Variants in HTT observed in about 807,000 individuals in gnomAD.
HTT encodes huntington disease protein.
HTT carries 104 observed loss-of-function variants against 362.3 expected under a neutral mutation model. The ratio of observed to expected loss-of-function variants is 0.29; its 90% CI spans 0.24 to 0.34. HTT has a LOEUF of 0.34. HTT is among the 10% of genes least tolerant of loss of function. HTT has a pLI of 1.00. For synonymous variants in HTT, 1,577 were observed against 1,548.7 expected, an observed-to-expected ratio of 1.02 and a Z score of -0.43; for missense variants, 3,301 against 3,928.6, an observed-to-expected ratio of 0.84 and a Z score of 4.27.
chr4:3,196,606 C>T (rs562247852), intron 40 of HTT, among the ~76,000 whole-genome samples: 6 of 152,028 alleles, frequency 3.9e-5, no homozygotes, highest in South Asian at 4.2e-4. Context: ...GGCATGGTGG[C>T]GCACACCTAT....
At chr4:3,199,465 G>A (rs1426865377) in intron 40 of HTT, among the ~76,000 whole-genome samples, 11 of 151,824 alleles carry the variant, frequency 7.2e-5, no homozygotes, top group South Asian at 4.2e-4. Context: ...GCTTGAAACC[G>A]GAAGGTGGAG....
chr4:3,136,121 A>G (rs1341946788), intron 20 of HTT, 105 bp from the exon 21 acceptor site: 1 of 903,202 alleles, frequency 1.1e-6, no homozygotes, highest in African/African-American at 1.7e-5. Context: ...TATGGATTTA[A>G]GTCTAGTAAT....
At position 3,180,510 on chromosome 4, in the gene HTT, C is replaced by G; in HGVS notation, c.4613-5C>G. On this transcript the variant is annotated splice_polypyrimidine_tract_variant and splice_region_variant and intron_variant, in intron 35 of 66. Transcript: ENST00000355072. The stretch of plus-strand genomic sequence containing the variant: ...CCTGATAAGGGTACCCTTTTGTCCC[C>G]ACAGCCATACCGGCTCTGCAGCCCA... 1 of 1,591,500 alleles carries G rather than the reference C, an allele frequency of 6.3e-7. No homozygotes were observed.
At chr4:3,143,708 A>C (rs57196404) in intron 23 of HTT, among the ~76,000 whole-genome samples, 10,830 of 151,438 alleles carry the variant, frequency 0.072, 554 homozygotes, top group African/African-American at 0.15. Flanking sequence ...GGTTCAAGCA[A>C]TTCTCCTGCC....
chr4:3,086,957 T>C lies in HTT; in HGVS notation c.282T>C (p.Ala94=), dbSNP rs2110142034. The C allele has an allele frequency of 6.2e-7, 1 of 1,603,586 alleles. No homozygotes were observed. The highest frequency in any genetic ancestry group is 8.5e-7 in the Non-Finnish European group (1 of 1,171,098). ...PLHRPKKELS[A]TKKDRVNHCL... ...TTTTTAGAAAGAAAGAACTTTCAGCTACCAAGAAAGACCGTGTGAATCATT... is the reference window on the plus strand; with the variant it reads ...TTTTTAGAAAGAAAGAACTTTCAGCCACCAAGAAAGACCGTGTGAATCATT... Residue 94 remains alanine, a synonymous_variant, in exon 2 of 67, where the codon GCT becomes GCC. Coordinates refer to ENST00000355072, the MANE Select transcript of HTT (RefSeq NM_001388492.1).
chr4:3,074,891 G>GCAGCAGCAA lies in HTT; in HGVS notation c.74_75insACAGCAGCA (p.Gln36_Gln38dup). The GCAGCAGCAA allele has an allele frequency of 7.0e-7, 1 of 1,433,240 alleles. No homozygotes were observed. Among genetic ancestry groups the GCAGCAGCAA allele is most frequent in the Non-Finnish European group, 9.2e-7 (1 of 1,082,676 alleles). 88.8% of individuals were successfully genotyped at this position (1,433,240 alleles called of 1,614,324 possible). On this transcript the variant is annotated inframe_insertion, in exon 1 of 67. Coordinates refer to ENST00000355072, the MANE Select transcript of HTT (RefSeq NM_001388492.1). Reference sequence around the variant, plus strand: ...TCAAGTCCTTCCAGCAGCAGCAGCAGCAGCAGCAGCAGCAGCAGCAGCAGC... The same window carrying GCAGCAGCAA: ...TCAAGTCCTTCCAGCAGCAGCAGCAGCAGCAGCAACAGCAGCAGCAGCAGCAGCAGCAGC...
At chr4:3,148,612 A>G (rs1168909698) in intron 26 of HTT, among the ~76,000 whole-genome samples, 1 of 152,180 alleles carries the variant, frequency 6.6e-6, no homozygotes, top group Non-Finnish European at 1.5e-5. Flanking sequence ...CCTGGCTAAC[A>G]CAGTGAAACC....
chr4:3,111,547 A>C (rs1257013578), intron 6 of HTT, among the ~76,000 whole-genome samples: 1 of 152,148 alleles, frequency 6.6e-6, no homozygotes, highest in Non-Finnish European at 1.5e-5. Flanking sequence ...GTATCCCTGG[A>C]AGGAAATTAC....
Position 3,182,211 on chromosome 4 carries a change from G to C in HTT, c.4750-143G>C, listed in dbSNP as rs1461594079. 5.1e-6 allele frequency: 3 copies of C among 594,002 alleles called. No homozygotes were observed. In the East Asian group the frequency reaches 8.3e-5, roughly 16 times the overall value. The allele number at this position is 594,002 out of a possible 1,614,324, so 36.8% of individuals were successfully genotyped here. ...ATGTCATAGAGTGGGGGTTGCATTA[G>C]TGTCCCCCTGTCCTCGCTGGGATCA... On this transcript the variant is annotated intron_variant, in intron 36 of 66. Transcript: ENST00000355072.
chr4:3,099,721 G>A (rs1319016572), intron 3 of HTT, among the ~76,000 whole-genome samples: 4 of 150,756 alleles, frequency 2.7e-5, no homozygotes, highest in African/African-American at 9.8e-5. Flanking sequence ...GTGCTCTATT[G>A]CATGGTTTGC....
chr4:3,079,396 A>G (rs550246260), intron 1 of HTT, among the ~76,000 whole-genome samples: 3 of 152,160 alleles, frequency 2.0e-5, no homozygotes, highest in East Asian at 3.9e-4. Flanking sequence ...TGTTGGGACT[A>G]TAGGTGTGAG....
chr4:3,079,027 A>AG (rs1462125810), intron 1 of HTT, among the ~76,000 whole-genome samples: 5 of 152,066 alleles, frequency 3.3e-5, no homozygotes, highest in African/African-American at 1.2e-4. Flanking sequence ...CTGGGATTAC[A>AG]GGCATGAGCC....
intron 47 of HTT, among the ~76,000 whole-genome samples, chr4:3,210,732 G>A (rs1377592895): frequency 6.6e-6 from 1 of 152,130 alleles, no homozygotes; most frequent in Non-Finnish European, 1.5e-5. Context: ...AAATGGGAGG[G>A]AAGTGGGCAC....
intron 6 of HTT, among the ~76,000 whole-genome samples, chr4:3,114,290 C>G (rs1714913296): frequency 6.6e-6 from 1 of 152,208 alleles, no homozygotes; most frequent in East Asian, 1.9e-4. Context: ...CAACCCACAA[C>G]CTTCCAGTGT....
Position 3,127,522 on chromosome 4 carries a change from C to A in HTT, c.1661C>A (p.Ala554Asp). 1 of 1,614,186 alleles carries A rather than the reference C, an allele frequency of 6.2e-7. No individual in the cohort carries two copies. Among genetic ancestry groups the A allele is most frequent in the Non-Finnish European group, 8.5e-7 (1 of 1,180,000 alleles). The change falls in exon 12 of 67, where the codon GCC becomes GAC. Residue 554 changes from alanine (A) to aspartate (D), a missense_variant. Physicochemically the swap from Ala to Asp is moderately radical, Grantham distance 126. Coordinates refer to ENST00000355072, the MANE Select transcript of HTT (RefSeq NM_001388492.1). ...PAMDLNDGTQASSPISDSSQT... is the reference protein window; with the variant it reads ...PAMDLNDGTQDSSPISDSSQT... ...ATGGACCTGAATGATGGGACCCAGG[C>A]CTCGTCGCCCATCAGCGACAGCTCC...
chr4:3,090,313 A>T (rs1369609186), intron 2 of HTT, among the ~76,000 whole-genome samples: 1 of 152,210 alleles, frequency 6.6e-6, no homozygotes, highest in Non-Finnish European at 1.5e-5. Flanking sequence ...CATCTGGAAA[A>T]TTTGTTAAAA....
In HTT at chr4:3,204,013, C is replaced by G; in HGVS notation, c.5583C>G (p.His1861Gln). Residue 1861 changes from histidine (H) to glutamine (Q), a missense_variant, in exon 42 of 67, where the codon CAC (histidine) becomes CAG (glutamine). By Grantham distance (24) the His-to-Gln change is conservative. This residue lies in a region of HTT where 2,316 missense variants were observed against 2,658.5 expected (regional missense o/e 0.87). Transcript: ENST00000355072. ...CATCTGTTGCTCCTTCTAGAAGACA[C>G]AGTCTGTCCAGCACAAAGTTACTTA... ...WAEVQQTPKR[H>Q]SLSSTKLLSP... 1 of 1,614,114 alleles carries G rather than the reference C, an allele frequency of 6.2e-7. No individual in the cohort carries two copies. Among genetic ancestry groups the G allele is most frequent in the South Asian group, 1.1e-5 (1 of 91,082 alleles).
chr4:3,215,140 G>C lies in HTT; in HGVS notation c.6983G>C (p.Ser2328Thr), dbSNP rs1720337097. ...GTGCAGCCTGGAGAGCAGCTTCTTA[G>C]TCCAGAAAGAAGGACAAATACCCCA... ...VAVQPGEQLL[S>T]PERRTNTPKA... The change falls in exon 51 of 67, where the codon AGT (serine) becomes ACT (threonine). Residue 2328 changes from serine (S) to threonine (T), a missense_variant. By Grantham distance (58) the Ser-to-Thr change is moderately conservative. Around this residue, in one of 4 missense-constraint regions of HTT, gnomAD observed 220 missense variants for 218.5 expected, o/e 1.01. Transcript: ENST00000355072. 6.2e-7 allele frequency: 1 copy of C among 1,613,970 alleles called. No individual in the cohort carries two copies. The highest frequency in any genetic ancestry group is 1.7e-5 in the Admixed American group (1 of 59,996).
chr4:3,149,029 G>A (rs1716749403), intron 26 of HTT, among the ~76,000 whole-genome samples: 1 of 152,206 alleles, frequency 6.6e-6, no homozygotes, highest in African/African-American at 2.4e-5. Context: ...CCCTAAGAGG[G>A]AAATACCTAG....
Sources: gnomAD v4.1 joint callset for allele counts (sites outside exome capture counted in the v4.1 genomes callset) on GRCh38, gnomAD v4.1.1 for gene constraint, gnomAD v4.1.1 regional missense constraint, MANE v1.5 for transcripts, NCBI Gene and HGNC (gene_info 2026-07-23, HGNC 2026-07-21) for gene names.